FLRT3: variants seen among roughly 807,000 people sequenced by gnomAD.
FLRT3 encodes the protein fibronectin leucine rich transmembrane protein 3.
FLRT3 carries 17 observed loss-of-function variants against 42.6 expected under a neutral mutation model. The ratio of observed to expected loss-of-function variants is 0.40; its 90% CI spans 0.27 to 0.60. The LOEUF is 0.60. Ranked by LOEUF, FLRT3 falls within the 20% of genes least tolerant of loss-of-function variation. The pLI, the probability that FLRT3 is intolerant of heterozygous loss-of-function variation, is 0.44. For synonymous variants in FLRT3, 279 were observed against 286.4 expected (o/e 0.97, Z 0.26); for missense variants, 635 against 789.2 (o/e 0.80, Z 2.34).
Position 14,327,376 on chromosome 20 carries a change from C to G in FLRT3, c.131G>C (p.Cys44Ser). Residue 44 changes from cysteine to serine, a missense_variant, in exon 3 of 3, where the codon TGT (cysteine) becomes TCT (serine). Transcript: ENST00000341420. The part of the protein sequence containing the change: ...VCRCDAGFIY[C>S]NDRFLTSIPT... ...AATGGATGTCAGAAAGCGATCATTA[C>G]AGTAAATGAAACCCGCATCGCAGCG... The G allele has an allele frequency of 6.2e-7, 1 of 1,613,712 alleles. No individual in the cohort carries two copies. The highest frequency in any genetic ancestry group is 8.5e-7 in the Non-Finnish European group (1 of 1,179,724).
In FLRT3 at chr20:14,325,876, A is replaced by G. The variant is rs1399383750; in HGVS notation, c.1631T>C (p.Leu544Pro). The stretch of plus-strand genomic sequence containing the variant: ...AACATACCAACACACTAAAGCAAGA[A>G]GGGCAATGGTAACCAGGGCCACAGC... The part of the protein sequence containing the change: ...GGAVALVTIA[L>P]LALVCWYVHR... The change falls in exon 3 of 3, where the codon CTT becomes CCT. Residue 544 changes from leucine to proline, a missense_variant. Leu to Pro is a moderately conservative substitution (Grantham distance 98). Transcript: ENST00000341420. 1 of 1,613,856 alleles carries G rather than the reference A, an allele frequency of 6.2e-7. No homozygotes were observed. Among genetic ancestry groups the G allele is most frequent in the Non-Finnish European group, 8.5e-7 (1 of 1,179,904 alleles).
At position 14,325,818 on chromosome 20, in the gene FLRT3, A is replaced by G. The variant is rs1187721904; in HGVS notation, c.1689T>C (p.Cys563=). 3.1e-6 allele frequency: 5 copies of G among 1,613,886 alleles called. No individual in the cohort carries two copies. The highest frequency in any genetic ancestry group is 4.2e-6 in the Non-Finnish European group (5 of 1,179,864). The change falls in exon 3 of 3, where the codon TGT becomes TGC. Residue 563 remains cysteine, a synonymous_variant. Transcript: ENST00000341420. ...HRNGSLFSRN[C]AYSKGRRRKD... is the part of the protein sequence containing the mutation. Reference sequence around the variant, plus strand: ...TTCTTCTCCTCCCTTTGCTATATGCACAGTTCCTTGAGAAGAGCGATCCAT... The same window carrying G: ...TTCTTCTCCTCCCTTTGCTATATGCGCAGTTCCTTGAGAAGAGCGATCCAT...
At chr20:14,328,054 A>T (rs1348425809) in intron 2 of FLRT3, among the ~76,000 whole-genome samples, 2 of 152,102 alleles carry the variant, frequency 1.3e-5, no homozygotes, top group Admixed American at 6.6e-5. Flanking sequence ...GAAAAATGTC[A>T]TAAAAATACC....
chr20:14,336,108 T>C (rs955487965), intron 1 of FLRT3, among the ~76,000 whole-genome samples: 1 of 152,120 alleles, frequency 6.6e-6, no homozygotes, highest in African/African-American at 2.4e-5. Flanking sequence ...ATTCTTTATG[T>C]TTAGGCTGGT....
chr20:14,334,559 G>T (rs958915001), intron 1 of FLRT3, among the ~76,000 whole-genome samples: 1 of 151,434 alleles, frequency 6.6e-6, no homozygotes, highest in Non-Finnish European at 1.5e-5. Context: ...TTCTGAAGCC[G>T]CAAGTCAGAT....
rs1316194307 is a variant in FLRT3 at position 14,326,519 on chromosome 20, G to A, written c.988C>T (p.Arg330Cys). 1 of 1,613,832 alleles carries A rather than the reference G, an allele frequency of 6.2e-7. No homozygotes were observed. Among genetic ancestry groups the A allele is most frequent in the Non-Finnish European group, 8.5e-7 (1 of 1,179,860 alleles). ...TCTGGGGCTTGGCACATGAGCCCAC[G>A]CACGTTGACCTTCACAGGTAGTGAT... ...LQSLPVKVNVRGLMCQAPEKV... is the reference protein window; with the variant it reads ...LQSLPVKVNVCGLMCQAPEKV... Residue 330 changes from arginine (R) to cysteine (C), a missense_variant, in exon 3 of 3, where the codon CGT (arginine) becomes TGT (cysteine). Coordinates refer to ENST00000341420, the MANE Select transcript of FLRT3 (RefSeq NM_198391.3). The surrounding 1 kb of genome is among the most constrained non-coding windows in gnomAD (Gnocchi z 5.5).
intron 1 of FLRT3, among the ~76,000 whole-genome samples, chr20:14,334,091 A>G (rs1053160843): frequency 2.0e-5 from 3 of 152,216 alleles, no homozygotes; most frequent in Non-Finnish European, 4.4e-5. Context: ...GAAAGAGATT[A>G]TGCATATGCA....
rs771566350 is a variant in FLRT3, at chr20:14,327,383, T to G, written c.124A>C (p.Ile42Leu). The change falls in exon 3 of 3, where the codon ATT becomes CTT. Residue 42 changes from isoleucine (I) to leucine (L), a missense_variant. Transcript: ENST00000341420. ...GTCAGAAAGCGATCATTACAGTAAATGAAACCCGCATCGCAGCGACACACA... is the reference window on the plus strand; with the variant it reads ...GTCAGAAAGCGATCATTACAGTAAAGGAAACCCGCATCGCAGCGACACACA... ...PSVCRCDAGF[I>L]YCNDRFLTSI... The G allele has an allele frequency of 1.2e-6, 2 of 1,613,658 alleles. No individual in the cohort carries two copies. The highest frequency in any genetic ancestry group is 1.7e-6 in the Non-Finnish European group (2 of 1,179,716).
Position 14,325,525 on chromosome 20 carries a change from CA to C in FLRT3, c.*31del, listed in dbSNP as rs2044892985. The C allele has an allele frequency of 6.4e-7, 1 of 1,566,966 alleles. No individual in the cohort carries two copies. The highest frequency in any genetic ancestry group is 8.6e-7 in the Non-Finnish European group (1 of 1,158,124). ...TCACCTCCCTTAGGTTTAAAAAACC[CA>C]AAACACAAGTCTGCTGTGAGTCCTT... On this transcript the variant is annotated 3_prime_UTR_variant, in exon 3 of 3. Coordinates refer to ENST00000341420, the MANE Select transcript of FLRT3 (RefSeq NM_198391.3).
At chr20:14,329,474 T>G (rs1338208442) in intron 1 of FLRT3, 147 bp from the exon 2 acceptor site, 1 of 152,102 alleles carries the variant, frequency 6.6e-6, no homozygotes, top group Non-Finnish European at 1.5e-5. Context: ...CCTCTTTGTT[T>G]TTAGACTTCT....
At chr20:14,335,643 G>A (rs1408534842) in intron 1 of FLRT3, among the ~76,000 whole-genome samples, 1 of 152,088 alleles carries the variant, frequency 6.6e-6, no homozygotes, top group Admixed American at 6.5e-5. Context: ...AGGGTGGGGT[G>A]CAGCGAAATG....
chr20:14,325,932 G>T lies in FLRT3; in HGVS notation c.1575C>A (p.Pro525=). The change falls in exon 3 of 3, where the codon CCC becomes CCA. Residue 525 remains proline, a synonymous_variant. Coordinates refer to ENST00000341420, the MANE Select transcript of FLRT3 (RefSeq NM_198391.3). ...REQEKEPYKN[P]NLPLAAIIGG... is the part of the protein sequence containing the mutation. ...CAATGATGGCAGCCAAAGGTAAATT[G>T]GGGTTTTTGTAAGGTTCTTTCTCTT... is the stretch of plus-strand genomic sequence containing the variant. 3.1e-6 allele frequency: 5 copies of T among 1,613,932 alleles called. No individual in the cohort carries two copies. Among genetic ancestry groups the T allele is most frequent in the Non-Finnish European group, 4.2e-6 (5 of 1,179,886 alleles).
chr20:14,326,027 G>A lies in FLRT3; in HGVS notation c.1480C>T (p.Pro494Ser). The A allele has an allele frequency of 6.2e-7, 1 of 1,613,886 alleles. No homozygotes were observed. Among genetic ancestry groups the A allele is most frequent in the Non-Finnish European group, 8.5e-7 (1 of 1,179,870 alleles). Residue 494 changes from proline to serine, a missense_variant, in exon 3 of 3, where the codon CCT (proline) becomes TCT (serine). Coordinates refer to ENST00000341420, the MANE Select transcript of FLRT3 (RefSeq NM_198391.3). The surrounding 1 kb of genome is among the most constrained non-coding windows in gnomAD (Gnocchi z 5.5). ...TSNLYLFDET[P>S]VCIETETAPL... ...GCAGTTTCAGTCTCAATACAAACAG[G>A]AGTTTCATCAAATAGGTAGAGGTTG...
chr20:14,336,843 C>T (rs1281295382), intron 1 of FLRT3, among the ~76,000 whole-genome samples: 2 of 152,176 alleles, frequency 1.3e-5, no homozygotes, highest in Non-Finnish European at 1.5e-5. Context: ...CTTGAAGCAG[C>T]TCAGGCACGA....
At chr20:14,332,169 C>A (rs1195183680) in intron 1 of FLRT3, among the ~76,000 whole-genome samples, 1 of 152,034 alleles carries the variant, frequency 6.6e-6, no homozygotes, top group African/African-American at 2.4e-5. Flanking sequence ...TCCTTATATT[C>A]ATATTCAGTT....
intron 1 of FLRT3, among the ~76,000 whole-genome samples, chr20:14,330,672 G>A (rs2082819549): frequency 6.6e-6 from 1 of 152,062 alleles, no homozygotes; most frequent in African/African-American, 2.4e-5. Context: ...ATAGCAGTTA[G>A]CAGATGGATC....
rs2122648673 is a variant in FLRT3 at position 14,337,403 on chromosome 20, C to T, written c.-247+1G>A. ...TAAGAAAAAACATGGAAAACACTTA[C>T]CAGGAAGACGAGAAAAAGCAATCCT... On this transcript the variant is annotated splice_donor_variant, in intron 1 of 2. Transcript: ENST00000341420. LOFTEE classifies it low-confidence loss of function (5UTR_SPLICE). The T allele has an allele frequency of 3.4e-6, 1 of 290,986 alleles. No homozygotes were observed. The highest frequency in any genetic ancestry group is 1.7e-4 in the South Asian group (1 of 5,910). 18.0% of individuals were successfully genotyped at this position (290,986 alleles called of 1,614,324 possible).
At chr20:14,336,932 T>A (rs1229117623) in intron 1 of FLRT3, among the ~76,000 whole-genome samples, 1 of 152,214 alleles carries the variant, frequency 6.6e-6, no homozygotes, top group African/African-American at 2.4e-5. Context: ...GTAGCTCGGC[T>A]AGCTGTGAGC....
rs1400449333 is a variant in FLRT3 at position 14,325,649 on chromosome 20, T to C, written c.1858A>G (p.Met620Val). 2 of 1,613,814 alleles carry C rather than the reference T, an allele frequency of 1.2e-6. No individual in the cohort carries two copies. ...VIHTIFPPNG[M>V]NLYKNNHSES... ...CTGTGATTGTTTTTGTACAGATTCA[T>C]TCCATTAGGAGGAAATATGGTGTGT... Residue 620 changes from methionine to valine, a missense_variant, in exon 3 of 3, where the codon ATG becomes GTG. Coordinates refer to ENST00000341420, the MANE Select transcript of FLRT3 (RefSeq NM_198391.3).
Sources: allele counts gnomAD v4.1 joint callset (sites outside exome capture counted in the v4.1 genomes callset), GRCh38; gene constraint gnomAD v4.1.1; non-coding constraint Gnocchi (gnomAD v3.1); transcripts MANE v1.5; gene names NCBI Gene and HGNC (gene_info 2026-07-23, HGNC 2026-07-21).